MECOM: variants seen among roughly 807,000 people sequenced by gnomAD.
MECOM encodes the protein MDS1 and EVI1 complex locus.
In MECOM, 13 loss-of-function variants were observed where a neutral mutation model predicts 116.3. That is an observed-to-expected ratio of 0.11 (90% CI 0.07 to 0.18). MECOM has a LOEUF of 0.18. Among genes scored for constraint, MECOM ranks in the 10% least tolerant of loss-of-function variants. The probability of loss-of-function intolerance (pLI) is 1.00; values close to 1 mark genes in which losing one functional copy is unlikely to be tolerated. For synonymous variants in MECOM, 528 were observed against 535.2 expected, an observed-to-expected ratio of 0.99 and a Z score of 0.19; for missense variants, 1,299 against 1,509.0, an observed-to-expected ratio of 0.86 and a Z score of 2.31.
chr3:169,326,932 T>C (rs1721927566), intron 2 of MECOM, among the ~76,000 whole-genome samples: 1 of 152,210 alleles, frequency 6.6e-6, no homozygotes, highest in Non-Finnish European at 1.5e-5. Context: ...TTAGCAAAAT[T>C]AGATGAGCTT....
chr3:169,363,953 G>A (rs1269034524), intron 2 of MECOM, among the ~76,000 whole-genome samples: 1 of 151,904 alleles, frequency 6.6e-6, no homozygotes. Flanking sequence ...GGTAGTCTTT[G>A]GCTTCATAAA....
chr3:169,531,304 GCATA>G (rs1309065359), intron 1 of MECOM, among the ~76,000 whole-genome samples: 9 of 152,096 alleles, frequency 5.9e-5, no homozygotes, highest in African/African-American at 2.2e-4. Context: ...GATCTCTCTA[GCATA>G]AACAAACCAA....
chr3:169,421,419 C>T (rs191296401), intron 1 of MECOM, among the ~76,000 whole-genome samples: 1 of 152,004 alleles, frequency 6.6e-6, no homozygotes. Flanking sequence ...TTCCTTTCTC[C>T]CCATGAGGCC....
chr3:169,172,443 G>GTA (rs1553758568), intron 2 of MECOM, among the ~76,000 whole-genome samples: 47 of 148,690 alleles, frequency 3.2e-4, no homozygotes, highest in East Asian at 1.2e-3. Flanking sequence ...GTGTGTGTGT[G>GTA]TATACATATA....
intron 1 of MECOM, among the ~76,000 whole-genome samples, chr3:169,631,815 G>C (rs948274240): frequency 6.6e-6 from 1 of 151,790 alleles, no homozygotes; most frequent in Non-Finnish European, 1.5e-5. Context: ...CTCACTTCTT[G>C]GTTCAAGGCT....
chr3:169,633,536 A>G (rs1248306504), intron 1 of MECOM, among the ~76,000 whole-genome samples: 2 of 152,186 alleles, frequency 1.3e-5, no homozygotes, highest in Non-Finnish European at 2.9e-5. Flanking sequence ...GGGTGTGGGC[A>G]TCACTATACA....
chr3:169,144,877 T>A, intron 2 of MECOM: 1 of 735,992 alleles, frequency 1.4e-6, no homozygotes, highest in African/African-American at 1.8e-5. Context: ...CTCCTACAGA[T>A]CTCTGCTGTA....
chr3:169,279,886 G>C (rs910020937), intron 2 of MECOM, among the ~76,000 whole-genome samples: 2 of 152,060 alleles, frequency 1.3e-5, no homozygotes, highest in Non-Finnish European at 2.9e-5. Flanking sequence ...AAAGGCAAAA[G>C]CTCTGCTATT....
Position 169,580,703 on chromosome 3 carries a change from G to T in MECOM, c.37+82633C>A, listed in dbSNP as rs1211501644. Among the ~76,000 whole-genome samples the T allele has an allele frequency of 3.3e-5, 5 of 152,170 alleles. No homozygotes were observed. The South Asian group carries it at 8.3e-4, about 25-fold the overall frequency. On this transcript the variant is annotated intron_variant, in intron 1 of 16. Transcript: ENST00000651503. ...AGTTAGTAAGTAAGCAGAGAGAAAA[G>T]TCATAGACATTACCACAGAATTAAA... is the stretch of plus-strand genomic sequence containing the variant.
intron 2 of MECOM, among the ~76,000 whole-genome samples, chr3:169,304,672 T>C (rs1247911902): frequency 1.3e-5 from 2 of 152,204 alleles, no homozygotes; most frequent in African/African-American, 4.8e-5. Context: ...ACCTGAAAAT[T>C]CCGACAACTT....
At chr3:169,241,151 C>A (rs1754746972) in intron 2 of MECOM, among the ~76,000 whole-genome samples, 1 of 152,098 alleles carries the variant, frequency 6.6e-6, no homozygotes, top group Non-Finnish European at 1.5e-5. Flanking sequence ...AGGCAAAGAT[C>A]TATTAAAAAT....
intron 2 of MECOM, among the ~76,000 whole-genome samples, chr3:169,378,431 A>G (rs1308696275): frequency 3.7e-4 from 29 of 79,366 alleles, no homozygotes; most frequent in African/African-American, 2.4e-3. Flanking sequence ...GAAAGAAAGA[A>G]AGAAAGAAAG....
At chr3:169,147,125 C>T in intron 2 of MECOM, 1 of 986,184 alleles carries the variant, frequency 1.0e-6, no homozygotes, top group Non-Finnish European at 1.2e-6. Context: ...TCTTTTCTCA[C>T]TTTCTCTTGC....
At chr3:169,485,753 G>C (rs1007785226) in intron 1 of MECOM, among the ~76,000 whole-genome samples, 6 of 150,224 alleles carry the variant, frequency 4.0e-5, no homozygotes, top group Non-Finnish European at 5.9e-5. Context: ...CGAAATATGC[G>C]ATTTTGCATT....
chr3:169,304,529 T>C (rs973534157), intron 2 of MECOM, among the ~76,000 whole-genome samples: 3 of 152,202 alleles, frequency 2.0e-5, no homozygotes, highest in African/African-American at 7.2e-5. Flanking sequence ...ATTTATAAGC[T>C]GCTGGACCAT....
intron 1 of MECOM, among the ~76,000 whole-genome samples, chr3:169,570,065 T>C (rs1478026789): frequency 6.6e-6 from 1 of 152,008 alleles, no homozygotes; most frequent in Non-Finnish European, 1.5e-5. Context: ...TTTGAAAAGA[T>C]TAACAAAATA....
At chr3:169,515,048 A>G (rs1276240564) in intron 1 of MECOM, among the ~76,000 whole-genome samples, 4 of 152,178 alleles carry the variant, frequency 2.6e-5, no homozygotes, top group Non-Finnish European at 5.9e-5. Context: ...ACCCACATCC[A>G]ACAACTGAGA....
chr3:169,127,534 A>G (rs1307919460), intron 5 of MECOM, among the ~76,000 whole-genome samples: 2 of 152,142 alleles, frequency 1.3e-5, no homozygotes, highest in East Asian at 3.8e-4. Flanking sequence ...TGATTACTTT[A>G]ATTTGTTCCA....
chr3:169,148,368 A>G (rs1264172426), intron 2 of MECOM, among the ~76,000 whole-genome samples: 1 of 152,186 alleles, frequency 6.6e-6, no homozygotes, highest in African/African-American at 2.4e-5. Context: ...ACTTTCTAAT[A>G]TACCTTGGGT....
Sources: gnomAD v4.1 joint callset for allele counts (sites outside exome capture counted in the v4.1 genomes callset) on GRCh38, gnomAD v4.1.1 for gene constraint, MANE v1.5 for transcripts, NCBI Gene and HGNC (gene_info 2026-07-23, HGNC 2026-07-21) for gene names.